The following GTSE1 variants were observed in gnomAD, a reference collection of about 807,000 sequenced individuals.
GTSE1 encodes the protein G2 and S-phase expressed 1.
A neutral mutation model predicts 60.5 loss-of-function variants in GTSE1; 52 were observed. The observed-to-expected ratio is 0.86, with a 90% CI of 0.69 to 1.08. The LOEUF (loss-of-function observed/expected upper bound fraction) is 1.08, where lower values mean the gene tolerates loss of function less well. GTSE1 is among the 50% of genes least tolerant of loss of function. GTSE1 has a pLI of 0.00. For synonymous variants in GTSE1, 368 were observed against 386.5 expected, an observed-to-expected ratio of 0.95 and a Z score of 0.56; for missense variants, 937 against 961.8, an observed-to-expected ratio of 0.97 and a Z score of 0.34.
Position 46,321,419 on chromosome 22 carries a change from GAAAC to G in GTSE1, c.1433-1762_1433-1759del, listed in dbSNP as rs2077811895. Among the ~76,000 whole-genome samples, 1 of 152,028 alleles carries G rather than the reference GAAAC, an allele frequency of 6.6e-6. No homozygotes were observed. Among genetic ancestry groups the G allele is most frequent in the South Asian group, 2.1e-4 (1 of 4,810 alleles). ...ACCTTGTTTCTTGTAAGAAAGAAAA[GAAAC>G]AAACAAACTGAAAACGGAGGTGGAG... On this transcript the variant is annotated intron_variant, in intron 7 of 11. Transcript: ENST00000454366. This position sits in a 1 kb window ranked among gnomAD's most constrained non-coding sequence, Gnocchi z 4.0.
chr22:46,326,762 G>C, intron 9 of GTSE1, 108 bp downstream of exon 9: 1 of 690,048 alleles, frequency 1.4e-6, no homozygotes, highest in Non-Finnish European at 2.3e-6. Flanking sequence ...GAAGTAAATA[G>C]TATTTGGAAA....
At position 46,318,142 on chromosome 22, in the gene GTSE1, G is replaced by C. The variant is rs147431966; in HGVS notation, c.1432+1730G>C. Among the ~76,000 whole-genome samples the C allele has an allele frequency of 2.1e-3, 315 of 152,376 alleles. 3 individuals carry two copies. Among genetic ancestry groups the C allele is most frequent in the African/African-American group, 7.4e-3 (308 of 41,592 alleles). ...GGCCCCAGCAGGTGTCTGGCCATTAGTGGGTGGGTGTTTGTAAAGTTTTCA... is the reference window on the plus strand; with the variant it reads ...GGCCCCAGCAGGTGTCTGGCCATTACTGGGTGGGTGTTTGTAAAGTTTTCA... On this transcript the variant is annotated intron_variant, in intron 7 of 11. Coordinates refer to ENST00000454366, the MANE Select transcript of GTSE1 (RefSeq NM_016426.7). The surrounding 1 kb of genome is among the most constrained non-coding windows in gnomAD (Gnocchi z 4.8).
At chr22:46,301,846 C>T (rs376831325) in intron 2 of GTSE1, among the ~76,000 whole-genome samples, 25 of 152,218 alleles carry the variant, frequency 1.6e-4, no homozygotes, top group East Asian at 5.8e-4. Context: ...AAGAATGTTT[C>T]GGCCAGGTGC....
At position 46,319,812 on chromosome 22, in the gene GTSE1, C is replaced by A. The variant is rs556394190; in HGVS notation, c.1433-3378C>A. Among the ~76,000 whole-genome samples, 1 of 151,956 alleles carries A rather than the reference C, an allele frequency of 6.6e-6. No homozygotes were observed. The highest frequency in any genetic ancestry group is 2.1e-4 in the South Asian group (1 of 4,804). ...AGCAGCCTGGTCAACATGGTGAAAC[C>A]CTGTCTCTACTAAAAATAGAAAAAT... is the stretch of plus-strand genomic sequence containing the variant. On this transcript the variant is annotated intron_variant, in intron 7 of 11. Coordinates refer to ENST00000454366, the MANE Select transcript of GTSE1 (RefSeq NM_016426.7). The surrounding 1 kb of genome is among the most constrained non-coding windows in gnomAD (Gnocchi z 5.0).
At chr22:46,299,425 C>G (rs1255421786) in intron 2 of GTSE1, among the ~76,000 whole-genome samples, 1 of 152,244 alleles carries the variant, frequency 6.6e-6, no homozygotes, top group Non-Finnish European at 1.5e-5. Flanking sequence ...CGTCTCATCT[C>G]AAACTTGGCA....
At position 46,313,721 on chromosome 22, in the gene GTSE1, C is replaced by T. The variant is rs926429815; in HGVS notation, c.928-169C>T. On this transcript the variant is annotated intron_variant, in intron 5 of 11. Transcript: ENST00000454366. The surrounding 1 kb of genome is among the most constrained non-coding windows in gnomAD (Gnocchi z 4.4). ...ACAAGGTTTCACCATATTGGCCAGG[C>T]TGGTCTCAAACTCCTGACCTTGTGA... Among the ~76,000 whole-genome samples, 1 of 152,168 alleles carries T rather than the reference C, an allele frequency of 6.6e-6. No homozygotes were observed. Among genetic ancestry groups the T allele is most frequent in the African/African-American group, 2.4e-5 (1 of 41,430 alleles).
chr22:46,299,800 CTT>C (rs936451341), intron 2 of GTSE1, among the ~76,000 whole-genome samples: 3 of 145,164 alleles, frequency 2.1e-5, no homozygotes, highest in Non-Finnish European at 3.0e-5. Context: ...TTTTCTTTTT[CTT>C]TTTTTTTTTT....
Position 46,330,111 on chromosome 22 carries a change from C to A in GTSE1, c.2201C>A (p.Ser734Tyr). ...SPEADKENVD[S>Y]PLLKF ...GAGGCTGACAAGGAGAACGTGGATT[C>A]CCCACTCCTCAAGTTCTAAGCCGAA... The change falls in exon 12 of 12, where the codon TCC (serine) becomes TAC (tyrosine). Residue 734 changes from serine (S) to tyrosine (Y), a missense_variant. Coordinates refer to ENST00000454366, the MANE Select transcript of GTSE1 (RefSeq NM_016426.7). This position sits in a 1 kb window ranked among gnomAD's most constrained non-coding sequence, Gnocchi z 6.0. 1 of 1,603,722 alleles carries A rather than the reference C, an allele frequency of 6.2e-7. No homozygotes were observed. Among genetic ancestry groups the A allele is most frequent in the Non-Finnish European group, 8.5e-7 (1 of 1,170,426 alleles).
At position 46,314,597 on chromosome 22, in the gene GTSE1, C is replaced by T. The variant is rs763670568; in HGVS notation, c.1051+584C>T. Among the ~76,000 whole-genome samples, 12 of 152,064 alleles carry T rather than the reference C, an allele frequency of 7.9e-5. No homozygotes were observed. Among genetic ancestry groups the T allele is most frequent in the Admixed American group, 2.6e-4 (4 of 15,270 alleles). On this transcript the variant is annotated intron_variant, in intron 6 of 11. Coordinates refer to ENST00000454366, the MANE Select transcript of GTSE1 (RefSeq NM_016426.7). The surrounding 1 kb of genome is among the most constrained non-coding windows in gnomAD (Gnocchi z 7.1). ...TGTTCACAAAATGTAAAAAGTGGGC[C>T]GGGCGCAGGGGCTCACGCCTGTGAT...
chr22:46,309,005 A>C lies in GTSE1; in HGVS notation c.762+62A>C. ...CCACTCCTTGCCCCTCAGCCCTCTC[A>C]CAGAAGCCACATGCGGAAAGCCTCA... On this transcript the variant is annotated intron_variant, in intron 4 of 11. Coordinates refer to ENST00000454366, the MANE Select transcript of GTSE1 (RefSeq NM_016426.7). This position sits in a 1 kb window ranked among gnomAD's most constrained non-coding sequence, Gnocchi z 6.2. 2.6e-6 allele frequency: 4 copies of C among 1,520,474 alleles called. No homozygotes were observed. The highest frequency in any genetic ancestry group is 3.5e-6 in the Non-Finnish European group (4 of 1,129,352). The allele number at this position is 1,520,474 out of a possible 1,614,324, so 94.2% of individuals were successfully genotyped here. A position where few individuals can be genotyped will look rare whatever the true frequency, so the allele number is the denominator to read the frequency against.
rs2077833723 is a variant in GTSE1, at chr22:46,324,626, C to T, written c.1505+1364C>T. The stretch of plus-strand genomic sequence containing the variant: ...TCGTGATCCACCAGCCTTGGCCTCG[C>T]AAAGTGCTGGGATTACAGGTGTGAG... On this transcript the variant is annotated intron_variant, in intron 8 of 11. Coordinates refer to ENST00000454366, the MANE Select transcript of GTSE1 (RefSeq NM_016426.7). This position sits in a 1 kb window ranked among gnomAD's most constrained non-coding sequence, Gnocchi z 5.2. Among the ~76,000 whole-genome samples, 1 of 152,192 alleles carries T rather than the reference C, an allele frequency of 6.6e-6. No individual in the cohort carries two copies. Among genetic ancestry groups the T allele is most frequent in the African/African-American group, 2.4e-5 (1 of 41,446 alleles).
chr22:46,318,114 A>T lies in GTSE1; in HGVS notation c.1432+1702A>T, dbSNP rs2077791703. On this transcript the variant is annotated intron_variant, in intron 7 of 11. Coordinates refer to ENST00000454366, the MANE Select transcript of GTSE1 (RefSeq NM_016426.7). The surrounding 1 kb of genome is among the most constrained non-coding windows in gnomAD (Gnocchi z 4.8). ...ACTGCCTTCTCCAGTCAGTGAGGCCACTGGCCCCAGCAGGTGTCTGGCCAT... is the reference window on the plus strand; with the variant it reads ...ACTGCCTTCTCCAGTCAGTGAGGCCTCTGGCCCCAGCAGGTGTCTGGCCAT... Among the ~76,000 whole-genome samples, 1 of 152,260 alleles carries T rather than the reference A, an allele frequency of 6.6e-6. No homozygotes were observed. Among genetic ancestry groups the T allele is most frequent in the South Asian group, 2.1e-4 (1 of 4,836 alleles).
chr22:46,307,903 G>T (rs1156699832), intron 2 of GTSE1, among the ~76,000 whole-genome samples: 1 of 152,088 alleles, frequency 6.6e-6, no homozygotes, highest in Non-Finnish European at 1.5e-5. Flanking sequence ...CTTGAGGCCA[G>T]GAGTTCGAGA....
rs148162860 is a variant in GTSE1 at position 46,299,641 on chromosome 22, G to T, written c.79+2162G>T. 3.3e-5 allele frequency among the ~76,000 whole-genome samples: 5 copies of T among 152,274 alleles called. No individual in the cohort carries two copies. In the East Asian group the frequency reaches 9.6e-4, roughly 29 times the overall value. On this transcript the variant is annotated intron_variant, in intron 2 of 11. Transcript: ENST00000454366. ...ATGCTGCTGTCTGGGTCTCAGCCAC[G>T]CTGTCTCACCGGCTTCTACTTCCCG...
rs919850633 is a variant in GTSE1 at position 46,316,917 on chromosome 22, C to G, written c.1432+505C>G. On this transcript the variant is annotated intron_variant, in intron 7 of 11. Transcript: ENST00000454366. This position sits in a 1 kb window ranked among gnomAD's most constrained non-coding sequence, Gnocchi z 5.0. The stretch of plus-strand genomic sequence containing the variant: ...AGCTCTGTTCTTTTTTTTATTTCAG[C>G]CTTTTTTCTTTTTCTTATCTTTTTT... Among the ~76,000 whole-genome samples the G allele has an allele frequency of 7.3e-5, 11 of 151,718 alleles. No individual in the cohort carries two copies. Among genetic ancestry groups the G allele is most frequent in the African/African-American group, 2.7e-4 (11 of 41,328 alleles).
chr22:46,325,906 G>A (rs905200147), intron 8 of GTSE1, among the ~76,000 whole-genome samples: 1 of 152,258 alleles, frequency 6.6e-6, no homozygotes, highest in African/African-American at 2.4e-5. Context: ...CCAGGGACGT[G>A]AGGGGTGTGA....
Position 46,328,714 on chromosome 22 carries a change from G to GA in GTSE1, c.1754dup (p.Thr586AspfsTer11). ...ACTGAACCAACAAGGGAGAGCAACAGAAAGACAGATTCCAGGCTGGTGGAT... is the reference window on the plus strand; with the variant it reads ...ACTGAACCAACAAGGGAGAGCAACAGAAAAGACAGATTCCAGGCTGGTGGAT... On this transcript the variant is annotated frameshift_variant, in exon 10 of 12. Transcript: ENST00000454366. LOFTEE classifies it high-confidence loss of function. 2 of 1,613,998 alleles carry GA rather than the reference G, an allele frequency of 1.2e-6. No individual in the cohort carries two copies. The highest frequency in any genetic ancestry group is 1.7e-6 in the Non-Finnish European group (2 of 1,179,826).
At chr22:46,306,563 A>G (rs2077716669) in intron 2 of GTSE1, among the ~76,000 whole-genome samples, 1 of 149,876 alleles carries the variant, frequency 6.7e-6, no homozygotes, top group African/African-American at 2.5e-5. Context: ...TCATTGCAAC[A>G]TCTACCTCCG....
chr22:46,308,814 T>C lies in GTSE1; in HGVS notation c.633T>C (p.Ala211=), dbSNP rs1222598312. 1.9e-6 allele frequency: 3 copies of C among 1,613,150 alleles called. No individual in the cohort carries two copies. Among genetic ancestry groups the C allele is most frequent in the African/African-American group, 1.3e-5 (1 of 74,936 alleles). The part of the protein sequence containing the change: ...RAPGPPHSAH[A]LPRESCTAHA... ...CGGGGCCTCCGCACTCTGCTCATGC[T>C]TTGCCCAGGGAATCATGCACTGCTC... Residue 211 remains alanine, a synonymous_variant, in exon 4 of 12, where the codon GCT becomes GCC. Coordinates refer to ENST00000454366, the MANE Select transcript of GTSE1 (RefSeq NM_016426.7).
Sources: allele counts gnomAD v4.1 joint callset (sites outside exome capture counted in the v4.1 genomes callset), GRCh38; gene constraint gnomAD v4.1.1; non-coding constraint Gnocchi (gnomAD v3.1); transcripts MANE v1.5; gene names NCBI Gene and HGNC (gene_info 2026-07-23, HGNC 2026-07-21).